CPNE5: variants seen among roughly 807,000 people sequenced by gnomAD.
CPNE5 encodes the protein copine-5.
CPNE5 carries 42 observed loss-of-function variants against 81.1 expected under a neutral mutation model. The ratio of observed to expected loss-of-function variants is 0.52; its 90% CI spans 0.40 to 0.67. The LOEUF (loss-of-function observed/expected upper bound fraction) is 0.67, where lower values mean the gene tolerates loss of function less well. Ranked by LOEUF, CPNE5 falls within the 30% of genes least tolerant of loss-of-function variation. The pLI, the probability that CPNE5 is intolerant of heterozygous loss-of-function variation, is 0.00. For synonymous variants in CPNE5, 313 were observed against 321.5 expected (o/e 0.97, Z 0.28); for missense variants, 612 against 815.5 (o/e 0.75, Z 3.04).
At chr6:36,836,554 G>C (rs916033190) in intron 1 of CPNE5, among the ~76,000 whole-genome samples, 11 of 152,166 alleles carry the variant, frequency 7.2e-5, no homozygotes, top group African/African-American at 1.4e-4. Flanking sequence ...CTGCCCTACT[G>C]TTCTGGGCCC....
chr6:36,745,638 GGGGTGGC>G (rs1337539568), intron 16 of CPNE5, 123 bp from the exon 17 acceptor site: 1 of 1,119,100 alleles, frequency 8.9e-7, no homozygotes, highest in African/African-American at 1.6e-5. Context: ...TCTCTGGTGT[GGGGTGGC>G]GGGGCAGGGG....
At chr6:36,753,228 A>T (rs571280360) in intron 13 of CPNE5, 133 bp from the exon 14 acceptor site, 3 of 658,982 alleles carry the variant, frequency 4.6e-6, no homozygotes, top group South Asian at 3.5e-5. Flanking sequence ...CACTGCCCAC[A>T]CCACCCCATG....
chr6:36,768,884 C>G (rs186746085), intron 10 of CPNE5, among the ~76,000 whole-genome samples: 4 of 152,282 alleles, frequency 2.6e-5, no homozygotes, highest in East Asian at 3.9e-4. Context: ...TCTGTTGCCC[C>G]GAGCAACTGG....
At chr6:36,765,580 G>A (rs1196457352) in intron 10 of CPNE5, among the ~76,000 whole-genome samples, 1 of 152,112 alleles carries the variant, frequency 6.6e-6, no homozygotes, top group African/African-American at 2.4e-5. Flanking sequence ...GGGCAGCCAG[G>A]GCTGTGTAGG....
intron 1 of CPNE5, among the ~76,000 whole-genome samples, chr6:36,827,123 T>C (rs1303217798): frequency 1.3e-5 from 2 of 151,976 alleles, no homozygotes; most frequent in Non-Finnish European, 2.9e-5. Context: ...CTCCCAGGGC[T>C]CCCTGCTGAG....
chr6:36,753,376 A>T (rs1458634213), intron 13 of CPNE5, among the ~76,000 whole-genome samples: 1 of 152,220 alleles, frequency 6.6e-6, no homozygotes, highest in East Asian at 1.9e-4. Context: ...TGCACTCTTG[A>T]CCTTGACGGA....
Position 36,822,143 on chromosome 6 carries a change from G to T in CPNE5, c.154C>A (p.Gln52Lys). The change falls in exon 3 of 21, where the codon CAA (glutamine) becomes AAA (lysine). Residue 52 changes from glutamine to lysine, a missense_variant. By Grantham distance (53) the Gln-to-Lys change is moderately conservative. Transcript: ENST00000244751. Reference sequence around the variant, plus strand: ...CGCCACTGCTTGTTCTCCATCCCTTGGGTATACATGACGCACACTGCGGGG... The same window carrying T: ...CGCCACTGCTTGTTCTCCATCCCTTTGGTATACATGACGCACACTGCGGGG... Reference protein sequence around the residue: ...KSDPLCVMYTQGMENKQWREF... With the variant: ...KSDPLCVMYTKGMENKQWREF... 1 of 1,536,068 alleles carries T rather than the reference G, an allele frequency of 6.5e-7. No homozygotes were observed. The highest frequency in any genetic ancestry group is 8.8e-7 in the Non-Finnish European group (1 of 1,135,540).
intron 6 of CPNE5, among the ~76,000 whole-genome samples, 194 bp downstream of exon 6, chr6:36,797,971 C>A (rs1769744802): frequency 6.6e-6 from 1 of 152,094 alleles, no homozygotes; most frequent in African/African-American, 2.4e-5. Context: ...ACTCTAATAA[C>A]CCATCCTGGG....
intron 3 of CPNE5, among the ~76,000 whole-genome samples, chr6:36,805,634 GGGACCT>G (rs1443164255): frequency 1.3e-5 from 2 of 152,166 alleles, no homozygotes; most frequent in African/African-American, 4.8e-5. Context: ...GAGGTGACAG[GGGACCT>G]CCCTGGGCCC....
intron 1 of CPNE5, among the ~76,000 whole-genome samples, chr6:36,831,237 T>C (rs891305359): frequency 3.3e-5 from 5 of 151,912 alleles, no homozygotes; most frequent in African/African-American, 1.2e-4. Flanking sequence ...GTATTTTCAG[T>C]AGAGATGTGG....
rs1375818159 is a variant in CPNE5 at position 36,742,474 on chromosome 6, G to A, written c.1576C>T (p.Arg526Trp). ...TTGCCTGTGCGGTCCACGTAGTCCC[G>A]GAAGGGTACAAACTGGCAAGTGGGA... ...ERDIVQFVPF[R>W]DYVDRTGNHV... Residue 526 changes from arginine (R) to tryptophan (W), a missense_variant, in exon 21 of 21, where the codon CGG (arginine) becomes TGG (tryptophan). Physicochemically the swap from Arg to Trp is moderately radical, Grantham distance 101. Coordinates refer to ENST00000244751, the MANE Select transcript of CPNE5 (RefSeq NM_020939.2). 6 of 1,612,098 alleles carry A rather than the reference G, an allele frequency of 3.7e-6. No individual in the cohort carries two copies. The highest frequency in any genetic ancestry group is 1.1e-5 in the South Asian group (1 of 91,076).
intron 13 of CPNE5, 125 bp downstream of exon 13, chr6:36,756,113 ATCTCTCT>A: frequency 8.2e-6 from 2 of 245,328 alleles, no homozygotes; most frequent in Non-Finnish European, 1.5e-5. Context: ...TCCCCACCCC[ATCTCTCT>A]TGGATGTCTG....
chr6:36,831,344 C>T (rs1012798661), intron 1 of CPNE5, among the ~76,000 whole-genome samples: 12 of 151,116 alleles, frequency 7.9e-5, no homozygotes, highest in East Asian at 3.9e-4. Context: ...CTACAGCCAC[C>T]GCACCCGGAC....
intron 3 of CPNE5, among the ~76,000 whole-genome samples, chr6:36,820,729 C>T (rs1554127619): frequency 6.6e-6 from 1 of 151,648 alleles, no homozygotes; most frequent in Non-Finnish European, 1.5e-5. Flanking sequence ...TGCTTGAGTC[C>T]AGGAGTTCCA....
At chr6:36,818,796 G>C (rs1382931326) in intron 3 of CPNE5, among the ~76,000 whole-genome samples, 1 of 152,156 alleles carries the variant, frequency 6.6e-6, no homozygotes, top group Non-Finnish European at 1.5e-5. Context: ...ATGTGACTTG[G>C]ACAATCAGAA....
intron 10 of CPNE5, among the ~76,000 whole-genome samples, chr6:36,773,032 A>T (rs73414277): frequency 0.016 from 2,451 of 152,038 alleles, 69 homozygotes; most frequent in African/African-American, 0.052. Context: ...TAATTTTTTT[A>T]AATTTAGTTT....
rs560695345 is a variant in CPNE5 at position 36,820,593 on chromosome 6, T to C, written c.183+1521A>G. 2.0e-5 allele frequency among the ~76,000 whole-genome samples: 3 copies of C among 152,080 alleles called. No homozygotes were observed. The East Asian group carries it at 5.8e-4, about 29-fold the overall frequency. On this transcript the variant is annotated intron_variant, in intron 3 of 20. Coordinates refer to ENST00000244751, the MANE Select transcript of CPNE5 (RefSeq NM_020939.2). ...GTTCTAGGTGCTCAGAATGTAGTAG[T>C]GAATAAAGCAGATGAAAATCTCTGC...
At chr6:36,786,202 T>G (rs1269990094) in intron 8 of CPNE5, among the ~76,000 whole-genome samples, 1 of 151,944 alleles carries the variant, frequency 6.6e-6, no homozygotes, top group Non-Finnish European at 1.5e-5. Context: ...CACCAGGAGC[T>G]GGGGGTGATT....
chr6:36,824,883 T>C (rs1344649004), intron 1 of CPNE5, among the ~76,000 whole-genome samples: 2 of 151,848 alleles, frequency 1.3e-5, no homozygotes, highest in Non-Finnish European at 2.9e-5. Flanking sequence ...GAGGTGGAGG[T>C]TGCAGTGAGC....
Sources: allele counts gnomAD v4.1 joint callset (sites outside exome capture counted in the v4.1 genomes callset), GRCh38; gene constraint gnomAD v4.1.1; transcripts MANE v1.5; gene names NCBI Gene and HGNC (gene_info 2026-07-23, HGNC 2026-07-21).